ENOX1: variants seen among roughly 807,000 people sequenced by gnomAD.
ENOX1 encodes candidate growth-related and time keeping constitutive hydroquinone (NADH) oxidase.
In ENOX1, 42 loss-of-function variants were observed where a neutral mutation model predicts 82.5. The observed-to-expected ratio is 0.51, with a 90% confidence interval of 0.40 to 0.66. The LOEUF is 0.66. Among genes scored for constraint, ENOX1 ranks in the 30% least tolerant of loss-of-function variants. The pLI, the probability that ENOX1 is intolerant of heterozygous loss-of-function variation, is 0.00. For missense variants in ENOX1, 608 were observed against 811.6 expected, an observed-to-expected ratio of 0.75 and a Z score of 3.05; for synonymous variants, 271 against 282.2, an observed-to-expected ratio of 0.96 and a Z score of 0.40.
At chr13:43,275,188 A>G (rs2044933174) in intron 12 of ENOX1, among the ~76,000 whole-genome samples, 1 of 152,210 alleles carries the variant, frequency 6.6e-6, no homozygotes, top group Admixed American at 6.5e-5. Flanking sequence ...GGCTTGTTAC[A>G]GACATGCTTT....
intron 1 of ENOX1, among the ~76,000 whole-genome samples, chr13:43,724,428 T>G (rs1211113473): frequency 2.0e-5 from 3 of 151,924 alleles, no homozygotes; most frequent in African/African-American, 7.2e-5. Flanking sequence ...ACACATGGAA[T>G]GAAAGGACGG....
chr13:43,243,744 G>A (rs2153463106), intron 14 of ENOX1, among the ~76,000 whole-genome samples: 1 of 152,254 alleles, frequency 6.6e-6, no homozygotes, highest in South Asian at 2.1e-4. Flanking sequence ...AACTTCAGAT[G>A]CTTTCTGATA....
chr13:43,533,675 AGTT>A (rs1159959072), intron 2 of ENOX1, among the ~76,000 whole-genome samples: 7 of 152,200 alleles, frequency 4.6e-5, no homozygotes, highest in African/African-American at 1.7e-4. Context: ...ATCTGCCCAG[AGTT>A]TGAAAGCATA....
intron 11 of ENOX1, among the ~76,000 whole-genome samples, chr13:43,305,542 T>C (rs539870460): frequency 1.3e-5 from 2 of 148,702 alleles, no homozygotes; most frequent in Non-Finnish European, 3.0e-5. Flanking sequence ...GGAGGCACAA[T>C]GGGCAGCAGG....
chr13:43,585,462 G>A (rs1301291475), intron 2 of ENOX1, among the ~76,000 whole-genome samples: 1 of 152,218 alleles, frequency 6.6e-6, no homozygotes, highest in Non-Finnish European at 1.5e-5. Context: ...TCTGTTCTTG[G>A]TCTATAGCAC....
chr13:43,536,918 A>G (rs2078485424), intron 2 of ENOX1, among the ~76,000 whole-genome samples: 1 of 152,250 alleles, frequency 6.6e-6, no homozygotes, highest in Non-Finnish European at 1.5e-5. Context: ...ACCAATTTAC[A>G]TAAAAAACCA....
At chr13:43,311,699 T>A (rs1489798105) in intron 11 of ENOX1, among the ~76,000 whole-genome samples, 4 of 152,228 alleles carry the variant, frequency 2.6e-5, no homozygotes, top group African/African-American at 9.6e-5. Flanking sequence ...CAAGTCAGTG[T>A]CTCAGTCTTT....
At chr13:43,429,245 A>G (rs542817275) in intron 3 of ENOX1, among the ~76,000 whole-genome samples, 14 of 152,300 alleles carry the variant, frequency 9.2e-5, no homozygotes, top group African/African-American at 3.4e-4. Flanking sequence ...GGAATAAAAC[A>G]TTACTAGCAA....
chr13:43,579,051 T>G (rs1043760547), intron 2 of ENOX1, among the ~76,000 whole-genome samples: 1 of 152,048 alleles, frequency 6.6e-6, no homozygotes, highest in Admixed American at 6.6e-5. Context: ...CTACTTAACC[T>G]TCTTATGACT....
chr13:43,589,266 G>A (rs1001719338), intron 2 of ENOX1, among the ~76,000 whole-genome samples: 4 of 144,742 alleles, frequency 2.8e-5, no homozygotes, highest in African/African-American at 1.0e-4. Context: ...AAGTAGTGCT[G>A]TTAAGTCTGA....
chr13:43,682,538 C>T (rs1370373782), intron 1 of ENOX1, among the ~76,000 whole-genome samples: 2 of 152,046 alleles, frequency 1.3e-5, no homozygotes, highest in Non-Finnish European at 2.9e-5. Flanking sequence ...GGCTGGCCAC[C>T]ATGGGTGGTG....
intron 2 of ENOX1, among the ~76,000 whole-genome samples, chr13:43,649,895 C>G (rs1284594695): frequency 6.6e-6 from 1 of 152,214 alleles, no homozygotes; most frequent in Admixed American, 6.5e-5. Context: ...TTCCTGGGAT[C>G]CCCTCCTCAG....
At chr13:43,772,885 G>A (rs1317755194) in intron 1 of ENOX1, among the ~76,000 whole-genome samples, 1 of 152,072 alleles carries the variant, frequency 6.6e-6, no homozygotes, top group African/African-American at 2.4e-5. Context: ...TGGGCTGCTA[G>A]CTATAATTTT....
intron 2 of ENOX1, among the ~76,000 whole-genome samples, chr13:43,536,376 A>G (rs536072930): frequency 3.3e-5 from 5 of 152,212 alleles, no homozygotes; most frequent in Non-Finnish European, 7.3e-5. Flanking sequence ...CTAGCCTTGC[A>G]TTTTAGAATT....
At chr13:43,528,806 C>T (rs868674617) in intron 2 of ENOX1, among the ~76,000 whole-genome samples, 19 of 151,946 alleles carry the variant, frequency 1.3e-4, no homozygotes, top group Non-Finnish European at 1.5e-5. Context: ...TAACAGAATC[C>T]TCTTTCTTTC....
intron 5 of ENOX1, among the ~76,000 whole-genome samples, chr13:43,398,949 C>T (rs1036860794): frequency 5.3e-5 from 8 of 151,616 alleles, no homozygotes; most frequent in African/African-American, 1.2e-4. Flanking sequence ...GTGCATGCCA[C>T]CATGCCCCCA....
chr13:43,535,034 A>G (rs2078392994), intron 2 of ENOX1, among the ~76,000 whole-genome samples: 1 of 152,158 alleles, frequency 6.6e-6, no homozygotes, highest in Non-Finnish European at 1.5e-5. Context: ...TGGCTCTAAC[A>G]TCTACTAGTT....
intron 1 of ENOX1, among the ~76,000 whole-genome samples, chr13:43,705,012 A>T (rs2087161004): frequency 2.6e-5 from 4 of 152,128 alleles, no homozygotes; most frequent in African/African-American, 9.7e-5. Context: ...GACCAGTAAC[A>T]TAATTGGATA....
intron 2 of ENOX1, among the ~76,000 whole-genome samples, chr13:43,581,404 T>C (rs1004181796): frequency 1.3e-5 from 2 of 152,070 alleles, no homozygotes; most frequent in Non-Finnish European, 1.5e-5. Flanking sequence ...AGTGCTGGGA[T>C]TACAGGCGTG....
Sources: gnomAD v4.1 joint callset for allele counts (sites outside exome capture counted in the v4.1 genomes callset) on GRCh38, gnomAD v4.1.1 for gene constraint, MANE v1.5 for transcripts, NCBI Gene and HGNC (gene_info 2026-07-23, HGNC 2026-07-21) for gene names.